RSRP1: variants seen among roughly 807,000 people sequenced by gnomAD.
The protein encoded by RSRP1 is arginine and serine rich protein 1, also known as arginine/serine-rich protein 1.
RSRP1 carries 37 observed loss-of-function variants against 33.0 expected under a neutral mutation model. The observed-to-expected ratio is 1.12, with a 90% CI of 0.86 to 1.48. The LOEUF (loss-of-function observed/expected upper bound fraction) is 1.48. Among genes scored for constraint, RSRP1 ranks in the 40% most tolerant of loss-of-function variants. The probability of loss-of-function intolerance (pLI) is 0.00; values close to 1 mark genes in which losing one functional copy is unlikely to be tolerated. For synonymous variants in RSRP1, 167 were observed against 158.7 expected (o/e 1.05, Z -0.40); for missense variants, 402 against 385.3 (o/e 1.04, Z -0.36).
chr1:25,336,809 T>G lies in RSRP1; in HGVS notation c.-67+1169A>C, dbSNP rs150546967. ...AGACATTAAACAATCACGATAAACC[T>G]CCTGAGTGGTAAGAACGTGTCCATT... On this transcript the variant is annotated intron_variant, in intron 1 of 1. Coordinates refer to the RSRP1 transcript ENST00000561867. 5.5e-3 allele frequency among the ~76,000 whole-genome samples: 835 copies of G among 150,918 alleles called. 18 individuals carry two copies. The highest frequency in any genetic ancestry group is 0.019 in the African/African-American group (784 of 40,244).
intron 1 of RSRP1, among the ~76,000 whole-genome samples, chr1:25,316,497 G>A (rs1644443702): frequency 8.5e-6 from 1 of 118,306 alleles, no homozygotes; most frequent in East Asian, 2.0e-4. Context: ...GCGCATGCCT[G>A]TAGTCCCAGC....
Position 25,330,953 on chromosome 1 carries a change from C to CTTTTTT in RSRP1, c.-67+7019_-67+7024dup, listed in dbSNP as rs71014353. Among the ~76,000 whole-genome samples the CTTTTTT allele has an allele frequency of 1.2e-4, 4 of 34,694 alleles. 1 individual carries two copies. Among genetic ancestry groups the CTTTTTT allele is most frequent in the Admixed American group, 4.1e-4 (1 of 2,426 alleles). The allele number at this position is 34,694 out of a possible 152,430, so 22.8% of individuals were successfully genotyped here. A position where few individuals can be genotyped will look rare whatever the true frequency, so the allele number is the denominator to read the frequency against. ...CTTTTACACTTCTGGTGTCATCTTC[C>CTTTTTT]TTTTTTTTTTTTTTTTTTTTTTTTT... On this transcript the variant is annotated intron_variant, in intron 1 of 1. Transcript: ENST00000561867.
rs906490649 is a variant in RSRP1 at position 25,302,714 on chromosome 1, T to C, written c.-67+35264A>G. On this transcript the variant is annotated intron_variant, in intron 1 of 1. Transcript: ENST00000561867. ...ACAGGCACCAAGTAGCCAATAATAA[T>C]AATAAAAACAATAACAATGATTTGT... Among the ~76,000 whole-genome samples the C allele has an allele frequency of 5.4e-5, 7 of 130,646 alleles. 1 individual carries two copies. Among genetic ancestry groups the C allele is most frequent in the African/African-American group, 1.8e-4 (7 of 37,872 alleles). The allele number at this position is 130,646 out of a possible 152,430, so 85.7% of individuals were successfully genotyped here. A position where few individuals can be genotyped will look rare whatever the true frequency, so the allele number is the denominator to read the frequency against.
At chr1:25,274,757 G>A (rs1485333379) in intron 1 of RSRP1, among the ~76,000 whole-genome samples, 6 of 133,782 alleles carry the variant, frequency 4.5e-5, no homozygotes, top group South Asian at 2.3e-4. Context: ...CTGTAATCCC[G>A]GCACATTGGG....
chr1:25,275,977 T>C (rs1217432532), intron 1 of RSRP1, among the ~76,000 whole-genome samples: 1 of 132,618 alleles, frequency 7.5e-6, no homozygotes, highest in African/African-American at 2.6e-5. Flanking sequence ...CATTACTTCA[T>C]TTTGTGAAAG....
intron 1 of RSRP1, among the ~76,000 whole-genome samples, chr1:25,257,446 C>G (rs1639982445): frequency 6.6e-6 from 1 of 151,986 alleles, no homozygotes; most frequent in Non-Finnish European, 1.5e-5. Flanking sequence ...AGGGAACAGG[C>G]AGAGGGAAAA....
chr1:25,292,254 C>T (rs529730462), intron 1 of RSRP1, among the ~76,000 whole-genome samples: 8 of 132,130 alleles, frequency 6.1e-5, no homozygotes, highest in Non-Finnish European at 1.1e-4. Context: ...ACAGGGAGAA[C>T]TAGGGAGTGT....
chr1:25,251,283 T>C (rs1303369054), upstream of RSRP1, among the ~76,000 whole-genome samples: 1 of 152,186 alleles, frequency 6.6e-6, no homozygotes, highest in Non-Finnish European at 1.5e-5. Context: ...AGATATTAAA[T>C]TTAGGTTGTT....
chr1:25,301,708 G>A lies in RSRP1; in HGVS notation c.-67+36270C>T, dbSNP rs760609559. On this transcript the variant is annotated intron_variant, in intron 1 of 1. Coordinates refer to the RSRP1 transcript ENST00000561867. ...CAAGGTGAGCAGGGCGCTGCCCTTG[G>A]GCAGCACTTGGGTCTAACAGGACTA... The A allele has an allele frequency of 1.2e-5, 17 of 1,370,394 alleles. 5 individuals are homozygous for A. The highest frequency in any genetic ancestry group is 1.5e-5 in the Non-Finnish European group (15 of 971,272). 84.9% of individuals were successfully genotyped at this position (1,370,394 alleles called of 1,614,324 possible). A position where few individuals can be genotyped will look rare whatever the true frequency, so the allele number is the denominator to read the frequency against.
chr1:25,279,952 G>T (rs567056127), intron 1 of RSRP1, among the ~76,000 whole-genome samples: 1 of 129,200 alleles, frequency 7.7e-6, no homozygotes, highest in Non-Finnish European at 1.8e-5. Flanking sequence ...GCTGATACCA[G>T]TGAGGATGCT....
chr1:25,247,781 C>T (rs1639605498), upstream of RSRP1: 1 of 152,416 alleles, frequency 6.6e-6, no homozygotes, highest in Admixed American at 6.5e-5. Context: ...TCTGGCCTCA[C>T]TGCACGGGCG....
At chr1:25,260,876 A>C (rs1415972887) in intron 1 of RSRP1, among the ~76,000 whole-genome samples, 1 of 148,820 alleles carries the variant, frequency 6.7e-6, no homozygotes, top group Non-Finnish European at 1.5e-5. Flanking sequence ...ATCTCGGCTC[A>C]CTGCAACCTC....
chr1:25,325,061 AAAGT>A (rs1299166416), intron 1 of RSRP1, among the ~76,000 whole-genome samples: 1 of 46,590 alleles, frequency 2.1e-5, no homozygotes, highest in African/African-American at 9.9e-5. Context: ...AGAGAAAAAA[AAAGT>A]AAGTATCTCA....
chr1:25,300,591 C>T (rs1477731796), intron 1 of RSRP1, among the ~76,000 whole-genome samples: 1 of 130,174 alleles, frequency 7.7e-6, no homozygotes, highest in African/African-American at 2.6e-5. Context: ...GGGTGGATCG[C>T]CTGAGGTCAG....
intron 1 of RSRP1, among the ~76,000 whole-genome samples, chr1:25,261,405 T>TC (rs1491097040): frequency 1.3e-5 from 2 of 151,556 alleles, no homozygotes; most frequent in African/African-American, 4.8e-5. Context: ...GTGATTTCTT[T>TC]CTTTTTTTTT....
Position 25,275,206 on chromosome 1 carries a change from C to T in RSRP1, c.-66-28177G>A, listed in dbSNP as rs1376417507. Among the ~76,000 whole-genome samples the T allele has an allele frequency of 1.5e-5, 2 of 131,852 alleles. 1 individual carries two copies. The highest frequency in any genetic ancestry group is 5.2e-5 in the African/African-American group (2 of 38,656). The allele number at this position is 131,852 out of a possible 152,430, so 86.5% of individuals were successfully genotyped here. On this transcript the variant is annotated intron_variant, in intron 1 of 1. Transcript: ENST00000561867. Reference sequence around the variant, plus strand: ...TTGGGAAGCTGAGGGAGGAGAATTGCTTGAACCCAGGAGGCAGAGGTTGCT... The same window carrying T: ...TTGGGAAGCTGAGGGAGGAGAATTGTTTGAACCCAGGAGGCAGAGGTTGCT...
At position 25,300,959 on chromosome 1, in the gene RSRP1, T is replaced by C. The variant is rs761507786; in HGVS notation, c.-67+37019A>G. On this transcript the variant is annotated intron_variant, in intron 1 of 1. Coordinates refer to the RSRP1 transcript ENST00000561867. ...GTTTTATTGCAGACAGACTACCACA[T>C]GAACATGATGCACATCTACGTGTTC... 2 of 1,378,670 alleles carry C rather than the reference T, an allele frequency of 1.5e-6. 1 individual carries two copies. Among genetic ancestry groups the C allele is most frequent in the Non-Finnish European group, 2.0e-6 (2 of 978,586 alleles). The allele number at this position is 1,378,670 out of a possible 1,614,324, so 85.4% of individuals were successfully genotyped here.
chr1:25,275,377 G>A (rs1191919780), intron 1 of RSRP1, among the ~76,000 whole-genome samples: 3 of 132,454 alleles, frequency 2.3e-5, no homozygotes, highest in East Asian at 2.0e-4. Flanking sequence ...TTCAGTCTGA[G>A]GTCCGAATAG....
intron 1 of RSRP1, chr1:25,301,158 T>C: frequency 7.6e-7 from 1 of 1,312,982 alleles, no homozygotes. Context: ...GAAAAGGCTC[T>C]GGCTGAAAAA....
Sources: gnomAD v4.1 joint callset for allele counts (sites outside exome capture counted in the v4.1 genomes callset) on GRCh38, gnomAD v4.1.1 for gene constraint, MANE v1.5 for transcripts, NCBI Gene and HGNC (gene_info 2026-07-23, HGNC 2026-07-21) for gene names.